The following SULT6B1 variants were observed in gnomAD, a reference collection of about 807,000 sequenced individuals.
The protein encoded by SULT6B1 is sulfotransferase family 6B member 1.
A neutral mutation model predicts 37.2 loss-of-function variants in SULT6B1; 44 were observed. The ratio of observed to expected loss-of-function variants is 1.18; its 90% CI spans 0.93 to 1.52. The LOEUF is 1.52. Ranked by LOEUF, SULT6B1 falls within the 40% of genes most tolerant of loss-of-function variation. The pLI, the probability that SULT6B1 is intolerant of heterozygous loss-of-function variation, is 0.00. For synonymous variants in SULT6B1, 140 were observed against 126.0 expected, an observed-to-expected ratio of 1.11 and a Z score of -0.74; for missense variants, 450 against 361.0, an observed-to-expected ratio of 1.25 and a Z score of -2.00.
At chr2:37,189,227 A>G (rs942675847), upstream of SULT6B1, among the ~76,000 whole-genome samples, 2 of 152,216 alleles carry the variant, frequency 1.3e-5, no homozygotes, top group Admixed American at 6.5e-5. Context: ...TAATGATAAT[A>G]TATCTCTAAA....
At chr2:37,179,420 T>C (rs767604724) in intron 4 of SULT6B1, 38 bp downstream of exon 4, 17 of 1,609,600 alleles carry the variant, frequency 1.1e-5, no homozygotes, top group Middle Eastern at 1.7e-4. Flanking sequence ...TGTGGTCATC[T>C]GATCAAGTAA....
chr2:37,186,570 G>A (rs1448250283), intron 2 of SULT6B1, among the ~76,000 whole-genome samples: 2 of 152,048 alleles, frequency 1.3e-5, no homozygotes, highest in South Asian at 2.1e-4. Flanking sequence ...TTACACACAC[G>A]TGAATCATAA....
chr2:37,189,794 ACTT>A (rs1251816072), upstream of SULT6B1: 1 of 152,208 alleles, frequency 6.6e-6, no homozygotes, highest in Admixed American at 6.5e-5. Flanking sequence ...GTTGGCCCAC[ACTT>A]CCCATCTCCC....
rs1181369878 is a variant in SULT6B1, at chr2:37,172,843, T to TTTGG, written c.625-1254_625-1253insCCAA. 3.4e-5 allele frequency among the ~76,000 whole-genome samples: 5 copies of TTTGG among 147,362 alleles called. No individual in the cohort carries two copies. In the South Asian group the frequency reaches 8.7e-4, roughly 25 times the overall value. On this transcript the variant is annotated intron_variant, in intron 5 of 6. Coordinates refer to ENST00000535679, the MANE Select transcript of SULT6B1 (RefSeq NM_001367551.1). ...ATTTGCTTGTTTGTTTGTTTGTTTG[T>TTTGG]TTTTGGTTTTTCGTTTGTTTGTTTT...
At position 37,171,542 on chromosome 2, in the gene SULT6B1, G is replaced by A; in HGVS notation, c.673C>T (p.Leu225=). ...KQIAEFLGFF[L]TGEQIQTISV... Reference sequence around the variant, plus strand: ...ATAGTTTGAATTTGCTCCCCAGTTAGAAAGAATCCCAAGAACTCAGCAATC... The same window carrying A: ...ATAGTTTGAATTTGCTCCCCAGTTAAAAAGAATCCCAAGAACTCAGCAATC... The change falls in exon 6 of 7, where the codon CTA becomes TTA. Residue 225 remains leucine (L), a synonymous_variant. Transcript: ENST00000535679. 6.2e-7 allele frequency: 1 copy of A among 1,614,120 alleles called. No homozygotes were observed. Among genetic ancestry groups the A allele is most frequent in the South Asian group, 1.1e-5 (1 of 91,050 alleles).
chr2:37,168,322 C>G (rs1390419085), intron 6 of SULT6B1, among the ~76,000 whole-genome samples: 1 of 152,104 alleles, frequency 6.6e-6, no homozygotes, highest in Admixed American at 6.6e-5. Flanking sequence ...CCACCACACC[C>G]GGCTAATGTA....
chr2:37,187,291 C>A, intron 2 of SULT6B1, 64 bp downstream of exon 2: 1 of 1,147,322 alleles, frequency 8.7e-7, no homozygotes, highest in Non-Finnish European at 1.3e-6. Flanking sequence ...ACTAAAGAAT[C>A]TCCAAACCGG....
intron 5 of SULT6B1, 29 bp from the exon 6 acceptor site, chr2:37,171,619 T>G (rs988999101): frequency 3.1e-6 from 5 of 1,605,436 alleles, no homozygotes; most frequent in Non-Finnish European, 4.3e-6. Context: ...AAAGATAAAT[T>G]TCTTCCTATG....
intron 2 of SULT6B1, among the ~76,000 whole-genome samples, chr2:37,184,826 C>T (rs183811099): frequency 0.023 from 3,507 of 149,262 alleles, 64 homozygotes; most frequent in Middle Eastern, 0.056. Context: ...AGTGAGACTC[C>T]ATTTAAAAAA....
At chr2:37,190,154 A>G (rs1349701265), upstream of SULT6B1, among the ~76,000 whole-genome samples, 1 of 152,226 alleles carries the variant, frequency 6.6e-6, no homozygotes, top group Non-Finnish European at 1.5e-5. Context: ...AGTTTAGCCT[A>G]TATCCTATCT....
At chr2:37,192,751 AAAACTT>A (rs1676808476), upstream of SULT6B1, among the ~76,000 whole-genome samples, 1 of 152,210 alleles carries the variant, frequency 6.6e-6, no homozygotes, top group South Asian at 2.1e-4. Flanking sequence ...TAGTGAGTAA[AAAACTT>A]AAAAAGACAA....
intron 2 of SULT6B1, among the ~76,000 whole-genome samples, chr2:37,183,975 T>C (rs1486411152): frequency 6.6e-6 from 1 of 152,198 alleles, no homozygotes; most frequent in Non-Finnish European, 1.5e-5. Flanking sequence ...TCTTACTTTG[T>C]GGAGATGAGG....
At chr2:37,193,652 G>GA (rs1420064697), upstream of SULT6B1, among the ~76,000 whole-genome samples, 6 of 46,718 alleles carry the variant, frequency 1.3e-4, no homozygotes, top group Non-Finnish European at 2.7e-4. Flanking sequence ...GAAGAAGAAG[G>GA]AGAAGAAGGA....
rs369222437 is a variant in SULT6B1 at position 37,187,349 on chromosome 2, A to G, written c.312+6T>C. 47 of 1,546,556 alleles carry G rather than the reference A, an allele frequency of 3.0e-5. No individual in the cohort carries two copies. Among genetic ancestry groups the G allele is most frequent in the Non-Finnish European group, 4.1e-5 (46 of 1,121,316 alleles). Reference sequence around the variant, plus strand: ...TGCTGTAAGGTTAAAGGCTGGTTGTACTAACCTGATATTTTTCTGAATCCC... The same window carrying G: ...TGCTGTAAGGTTAAAGGCTGGTTGTGCTAACCTGATATTTTTCTGAATCCC... On this transcript the variant is annotated splice_donor_region_variant and intron_variant, in intron 2 of 6. Coordinates refer to ENST00000535679, the MANE Select transcript of SULT6B1 (RefSeq NM_001367551.1).
At chr2:37,186,944 A>G (rs1051785071) in intron 2 of SULT6B1, among the ~76,000 whole-genome samples, 3 of 152,164 alleles carry the variant, frequency 2.0e-5, no homozygotes, top group African/African-American at 7.2e-5. Flanking sequence ...TCCTACTACC[A>G]TCCTGCACAG....
At chr2:37,183,093 C>T (rs528871988) in intron 3 of SULT6B1, among the ~76,000 whole-genome samples, 14 of 152,150 alleles carry the variant, frequency 9.2e-5, no homozygotes, top group African/African-American at 3.1e-4. Context: ...AAGAAAGGAA[C>T]AATTTTTTTC....
In SULT6B1 at chr2:37,183,504, C is replaced by A; in HGVS notation, c.323G>T (p.Gly108Val). The change falls in exon 3 of 7, where the codon GGC becomes GTC. Residue 108 changes from glycine to valine, a missense_variant. Physicochemically the swap from Gly to Val is moderately radical, Grantham distance 109. Coordinates refer to ENST00000535679, the MANE Select transcript of SULT6B1 (RefSeq NM_001367551.1). Reference protein sequence around the residue: ...GDSEKYQRMKGFPSPRILATH... With the variant: ...GDSEKYQRMKVFPSPRILATH... The stretch of plus-strand genomic sequence containing the variant: ...TGCCAAAATCCTTGGTGATGGAAAG[C>A]CTTTCATTCTCTTAAAAATATACAC... The A allele has an allele frequency of 1.9e-6, 3 of 1,613,554 alleles. No homozygotes were observed. The highest frequency in any genetic ancestry group is 2.5e-6 in the Non-Finnish European group (3 of 1,179,562).
chr2:37,175,066 ATAAG>A, intron 5 of SULT6B1, 62 bp downstream of exon 5: 1 of 891,946 alleles, frequency 1.1e-6, no homozygotes, highest in Admixed American at 2.9e-5. Flanking sequence ...AACAGACATT[ATAAG>A]TAAGTGCTCT....
chr2:37,177,995 C>T (rs768484155), intron 4 of SULT6B1, among the ~76,000 whole-genome samples: 5 of 152,162 alleles, frequency 3.3e-5, no homozygotes, highest in Non-Finnish European at 7.3e-5. Flanking sequence ...TCTCTGGCCA[C>T]TATACTCATG....
Sources: gnomAD v4.1 joint callset for allele counts (sites outside exome capture counted in the v4.1 genomes callset) on GRCh38, gnomAD v4.1.1 for gene constraint, MANE v1.5 for transcripts, NCBI Gene and HGNC (gene_info 2026-07-23, HGNC 2026-07-21) for gene names.